BTK: variants seen among roughly 807,000 people sequenced by gnomAD.
BTK encodes Bruton tyrosine kinase.
Under a neutral mutation model 57.4 loss-of-function variants are expected in BTK, and 5 were observed. The ratio of observed to expected loss-of-function variants is 0.09; its 90% CI spans 0.05 to 0.18. BTK has a LOEUF of 0.18. BTK is among the 10% of genes least tolerant of loss of function. BTK has a pLI of 1.00. For synonymous variants in BTK, 154 were observed against 174.3 expected (o/e 0.88, Z 0.92); for missense variants, 194 against 501.2 (o/e 0.39, Z 5.85).
chrX:101,365,908 C>T (rs1433395843), intron 5 of BTK, among the ~76,000 whole-genome samples: 2 of 112,171 alleles, frequency 1.8e-5, no homozygotes, highest in Admixed American at 1.9e-4. Context: ...TGTGGCTAAG[C>T]CCACAGGAAT....
chrX:101,373,721 C>T (rs781921437), intron 3 of BTK, among the ~76,000 whole-genome samples: 2 of 111,579 alleles, frequency 1.8e-5, no homozygotes, highest in Non-Finnish European at 3.8e-5. Flanking sequence ...GTAATAAATA[C>T]GCAATTCTCC....
chrX:101,362,468 AACCTTATGCTATG>A, intron 6 of BTK, 80 bp downstream of exon 6: 1 of 1,175,917 alleles, frequency 8.5e-7, no homozygotes, highest in Non-Finnish European at 1.2e-6. Context: ...CAAAGTGTAC[AACCTTATGCTATG>A]ACCCTGGGCT....
At chrX:101,358,043 A>G in intron 12 of BTK, 3 of 470,371 alleles carry the variant, frequency 6.4e-6, no homozygotes, top group Non-Finnish European at 1.2e-5. Flanking sequence ...TAGGAACTCA[A>G]TGAATACTTG....
At chrX:101,384,426 C>T (rs907443162) in intron 1 of BTK, among the ~76,000 whole-genome samples, 2 of 111,173 alleles carry the variant, frequency 1.8e-5, no homozygotes, top group African/African-American at 6.5e-5. Flanking sequence ...GGAGAAACCC[C>T]GTCTCTACTA....
intron 3 of BTK, 96 bp downstream of exon 3, chrX:101,374,440 G>A: frequency 9.8e-6 from 7 of 716,304 alleles, no homozygotes; most frequent in Non-Finnish European, 1.6e-5. Context: ...CGTGTTCCAC[G>A]TTGCACAGCA....
upstream of BTK, among the ~76,000 whole-genome samples, chrX:101,389,162 T>C (rs782427605): frequency 3.0e-4 from 33 of 111,854 alleles, no homozygotes; most frequent in African/African-American, 1.0e-3. Flanking sequence ...GGATGATAGA[T>C]GTGTTAATCA....
At chrX:101,355,965 C>A in intron 15 of BTK, 87 bp downstream of exon 15, 3 of 949,056 alleles carry the variant, frequency 3.2e-6, no homozygotes, top group East Asian at 6.1e-5. Flanking sequence ...GCACCAGCAG[C>A]CCCCCTCAAC....
chrX:101,390,622 C>T (rs1555983119), upstream of BTK: 3 of 501,991 alleles, frequency 6.0e-6, no homozygotes, highest in African/African-American at 4.6e-5. Flanking sequence ...GAAAGGTGTT[C>T]CCAGTGACCT....
upstream of BTK, among the ~76,000 whole-genome samples, chrX:101,387,829 G>A (rs963175084): frequency 9.1e-6 from 1 of 109,323 alleles, no homozygotes; most frequent in Non-Finnish European, 1.9e-5. Context: ...ACCTGCCTGA[G>A]GGTTGGCCAC....
intron 7 of BTK, among the ~76,000 whole-genome samples, chrX:101,361,873 C>T (rs1300014673): frequency 1.8e-5 from 2 of 112,014 alleles, no homozygotes; most frequent in African/African-American, 3.2e-5. Context: ...CGAACCTGGG[C>T]GACAGAGCGA....
At chrX:101,352,429 G>A (rs1020216544) in intron 18 of BTK, among the ~76,000 whole-genome samples, 2 of 111,619 alleles carry the variant, frequency 1.8e-5, no homozygotes, top group Non-Finnish European at 3.8e-5. Flanking sequence ...GCCTGGGAAA[G>A]CCTCTGGCCA....
rs782529332 is a variant in BTK at position 101,352,156 on chromosome X, C to T, written c.1908+1038G>A. Among the ~76,000 whole-genome samples, 11 of 88,530 alleles carry T rather than the reference C, an allele frequency of 1.2e-4. No individual in the cohort carries two copies. The East Asian group carries it at 1.7e-3, about 14-fold the overall frequency. 76.9% of individuals were successfully genotyped at this position (88,530 alleles called of 115,157 possible). A position where few individuals can be genotyped will look rare whatever the true frequency, so the allele number is the denominator to read the frequency against. ...CCAGCCTGGGCGACAGAGAAAGACT[C>T]GGTCTCAAAAAAAAAAAAAAAAAAA... On this transcript the variant is annotated intron_variant, in intron 18 of 18. Transcript: ENST00000308731.
At chrX:101,371,163 A>G (rs1373541049) in intron 4 of BTK, among the ~76,000 whole-genome samples, 2 of 112,290 alleles carry the variant, frequency 1.8e-5, no homozygotes, top group East Asian at 2.8e-4. Flanking sequence ...AAACAGATGC[A>G]TATGTGGCAC....
chrX:101,365,753 G>A (rs957429428), intron 5 of BTK, among the ~76,000 whole-genome samples: 1 of 112,355 alleles, frequency 8.9e-6, no homozygotes. Context: ...GTGAGGTCAG[G>A]TCATTTGCCT....
At chrX:101,366,688 C>T (rs1393160426) in intron 5 of BTK, among the ~76,000 whole-genome samples, 1 of 111,094 alleles carries the variant, frequency 9.0e-6, no homozygotes, top group Non-Finnish European at 1.9e-5. Flanking sequence ...CTTTTTGGCT[C>T]TTGTTGTTAG....
chrX:101,378,926 C>A (rs1927311791), intron 1 of BTK, among the ~76,000 whole-genome samples: 1 of 110,968 alleles, frequency 9.0e-6, no homozygotes, highest in Non-Finnish European at 1.9e-5. Context: ...GTAATCCCAG[C>A]ACTTTGGGAG....
At chrX:101,369,951 C>A (rs1555980035) in intron 5 of BTK, 47 bp downstream of exon 5, 66 of 1,103,012 alleles carry the variant, frequency 6.0e-5, no homozygotes, top group Non-Finnish European at 7.9e-5. Flanking sequence ...CCTCTTCCTT[C>A]CTTTCCTTCT....
chrX:101,388,974 G>A (rs1472833134), upstream of BTK, among the ~76,000 whole-genome samples: 3 of 111,718 alleles, frequency 2.7e-5, no homozygotes, highest in African/African-American at 9.8e-5. Context: ...CAGCTCAAGC[G>A]ATCCTCCCAC....
chrX:101,357,641 A>T, intron 12 of BTK, 58 bp from the exon 13 acceptor site: 1 of 952,967 alleles, frequency 1.0e-6, no homozygotes. Flanking sequence ...GATGCCTCAC[A>T]CATCCTCACT....
Sources: allele counts gnomAD v4.1 joint callset (sites outside exome capture counted in the v4.1 genomes callset), GRCh38; gene constraint gnomAD v4.1.1; transcripts MANE v1.5; gene names NCBI Gene and HGNC (gene_info 2026-07-23, HGNC 2026-07-21).